Variants in MCM2 observed in about 807,000 individuals in gnomAD.
MCM2 encodes the protein DNA replication licensing factor MCM2.
MCM2 carries 49 observed loss-of-function variants against 86.4 expected under a neutral mutation model. The observed-to-expected ratio is 0.57, with a 90% CI of 0.45 to 0.72. The LOEUF (loss-of-function observed/expected upper bound fraction) is 0.72. MCM2 is among the 30% of genes least tolerant of loss of function. The pLI is 0.00. For missense variants in MCM2, 1,038 were observed against 1,259.9 expected (o/e 0.82, Z 2.67); for synonymous variants, 475 against 484.6 (o/e 0.98, Z 0.26).
intron 2 of MCM2, among the ~76,000 whole-genome samples, chr3:127,601,400 G>A (rs772185318): frequency 1.3e-5 from 2 of 152,044 alleles, no homozygotes; most frequent in Non-Finnish European, 2.9e-5. Context: ...TTGCTCTGTC[G>A]CTTAGGCTGC....
chr3:127,613,959 C>CCTA (rs1384799343), intron 8 of MCM2, among the ~76,000 whole-genome samples: 2 of 152,190 alleles, frequency 1.3e-5, no homozygotes, highest in Non-Finnish European at 2.9e-5. Flanking sequence ...TTTACAAGGA[C>CCTA]CTACTCCCTG....
At chr3:127,615,713 T>C (rs2074427480) in intron 8 of MCM2, 149 bp from the exon 9 acceptor site, 1 of 642,012 alleles carries the variant, frequency 1.6e-6, no homozygotes, top group Non-Finnish European at 2.8e-6. Flanking sequence ...CGGGCACGGC[T>C]TGATACCAGG....
chr3:127,606,228 G>T lies in MCM2; in HGVS notation c.784G>T (p.Ala262Ser). Residue 262 changes from alanine to serine, a missense_variant, in exon 5 of 16, where the codon GCT (alanine) becomes TCT (serine). By Grantham distance (99) the Ala-to-Ser change is moderately conservative (BLOSUM62 1). Coordinates refer to ENST00000265056, the MANE Select transcript of MCM2 (RefSeq NM_004526.4). The surrounding 1 kb of genome is among the most constrained non-coding windows in gnomAD (Gnocchi z 4.2). Reference protein sequence around the residue: ...PAELLQIFDEAALEVVLAMYP... With the variant: ...PAELLQIFDESALEVVLAMYP... Reference sequence around the variant, plus strand: ...GGAGCTGCTGCAGATCTTTGATGAGGCTGCCCTGGAGGTGGTACTGGCCAT... The same window carrying T: ...GGAGCTGCTGCAGATCTTTGATGAGTCTGCCCTGGAGGTGGTACTGGCCAT... 1 of 1,614,210 alleles carries T rather than the reference G, an allele frequency of 6.2e-7. No individual in the cohort carries two copies. Among genetic ancestry groups the T allele is most frequent in the Non-Finnish European group, 8.5e-7 (1 of 1,180,042 alleles).
chr3:127,598,766 GC>G (rs1396460319), intron 1 of MCM2: 1 of 487,148 alleles, frequency 2.1e-6, no homozygotes, highest in Non-Finnish European at 3.6e-6. Context: ...CAAAAGACAG[GC>G]CCCCATTTCA....
chr3:127,598,520 G>C, intron 1 of MCM2, 48 bp downstream of exon 1: 1 of 1,603,172 alleles, frequency 6.2e-7, no homozygotes, highest in Non-Finnish European at 8.5e-7. Context: ...CATGGGTGCG[G>C]AGGCTGCGCG....
Position 127,609,005 on chromosome 3 carries a change from T to A in MCM2, c.1410T>A (p.Asp470Glu). ...AGATGATCACTAGCCTCTCCAAGGA[T>A]CAGCAGATCGGAGAGAAGGTAGGTG... Reference protein sequence around the residue: ...DVKMITSLSKDQQIGEKIFAS... With the variant: ...DVKMITSLSKEQQIGEKIFAS... The change falls in exon 8 of 16, where the codon GAT becomes GAA. Residue 470 changes from aspartate to glutamate, a missense_variant. Coordinates refer to ENST00000265056, the MANE Select transcript of MCM2 (RefSeq NM_004526.4). 6.2e-7 allele frequency: 1 copy of A among 1,613,984 alleles called. No homozygotes were observed. The highest frequency in any genetic ancestry group is 1.6e-4 in the Middle Eastern group (1 of 6,062).
chr3:127,603,553 G>A lies in MCM2; in HGVS notation c.237-1055G>A, dbSNP rs150731659. Among the ~76,000 whole-genome samples, 614 of 152,226 alleles carry A rather than the reference G, an allele frequency of 4.0e-3. 3 individuals carry two copies. The highest frequency in any genetic ancestry group is 6.2e-3 in the Non-Finnish European group (422 of 68,000). ...CAGGCTGGAATGCAGTGGCACGAAC[G>A]TGGCTCACTGCAGCCTTGAACTCCT... is the stretch of plus-strand genomic sequence containing the variant. On this transcript the variant is annotated intron_variant, in intron 2 of 15. Coordinates refer to ENST00000265056, the MANE Select transcript of MCM2 (RefSeq NM_004526.4).
rs752281528 is a variant in MCM2 at position 127,619,119 on chromosome 3, T to C, written c.2106T>C (p.Ala702=). The change falls in exon 13 of 16, where the codon GCT becomes GCC. Residue 702 remains alanine, a synonymous_variant. Transcript: ENST00000265056. ...EEEGLANGSA[A]EPAMPNTYGV... is the part of the protein sequence containing the mutation. ...AGGGGCTGGCCAATGGCAGCGCTGCTGAGCCCGCCATGCCCAACACGTATG... is the reference window on the plus strand; with the variant it reads ...AGGGGCTGGCCAATGGCAGCGCTGCCGAGCCCGCCATGCCCAACACGTATG... 12 of 1,613,452 alleles carry C rather than the reference T, an allele frequency of 7.4e-6. No homozygotes were observed. In the South Asian group the frequency reaches 9.9e-5, roughly 13 times the overall value.
Position 127,617,038 on chromosome 3 carries a change from G to T in MCM2, c.1693G>T (p.Val565Phe), listed in dbSNP as rs753401204. The stretch of plus-strand genomic sequence containing the variant: ...CACGGCGTATGTCCAGCGGCACCCT[G>T]TCAGCAGGGAGTGGACCTTGGAGGC... ...GLTAYVQRHPVSREWTLEAGA... is the reference protein window; with the variant it reads ...GLTAYVQRHPFSREWTLEAGA... The change falls in exon 10 of 16, where the codon GTC becomes TTC. Residue 565 changes from valine (V) to phenylalanine (F), a missense_variant. Val to Phe is a conservative substitution (Grantham distance 50, BLOSUM62 -1). Transcript: ENST00000265056. The surrounding 1 kb of genome is among the most constrained non-coding windows in gnomAD (Gnocchi z 4.1). 3 of 1,614,102 alleles carry T rather than the reference G, an allele frequency of 1.9e-6. No homozygotes were observed. The highest frequency in any genetic ancestry group is 2.5e-6 in the Non-Finnish European group (3 of 1,180,058).
intron 9 of MCM2, among the ~76,000 whole-genome samples, chr3:127,616,391 C>T (rs1460966625): frequency 6.6e-6 from 1 of 152,182 alleles, no homozygotes; most frequent in African/African-American, 2.4e-5. Context: ...TTTACAATTA[C>T]ACAGCAACCA....
At chr3:127,608,688 T>C (rs1458231988) in intron 7 of MCM2, 144 bp from the exon 8 acceptor site, 2 of 1,186,026 alleles carry the variant, frequency 1.7e-6, no homozygotes, top group Non-Finnish European at 2.4e-6. Flanking sequence ...GTTGGAATGG[T>C]GGGTTTAGGA....
In MCM2 at chr3:127,606,416, T is replaced by C. The variant is rs2107688573; in HGVS notation, c.893+79T>C. ...GGTCGTGATTCCTGAAGAGCGATTG[T>C]GGTGTGGGCGGGGAGGGTGCAGCCA... On this transcript the variant is annotated intron_variant, in intron 5 of 15. Transcript: ENST00000265056. The surrounding 1 kb of genome is among the most constrained non-coding windows in gnomAD (Gnocchi z 4.2). The C allele has an allele frequency of 6.9e-7, 1 of 1,450,574 alleles. No homozygotes were observed. Among genetic ancestry groups the C allele is most frequent in the South Asian group, 1.2e-5 (1 of 84,024 alleles). 89.9% of individuals were successfully genotyped at this position (1,450,574 alleles called of 1,614,324 possible).
intron 8 of MCM2, among the ~76,000 whole-genome samples, chr3:127,611,883 T>C (rs1264089357): frequency 2.0e-5 from 3 of 147,694 alleles, no homozygotes; most frequent in Admixed American, 1.3e-4. Flanking sequence ...GTATTTTTAG[T>C]AGAGACGGGG....
At chr3:127,613,751 T>G (rs901373244) in intron 8 of MCM2, among the ~76,000 whole-genome samples, 1 of 152,250 alleles carries the variant, frequency 6.6e-6, no homozygotes, top group Non-Finnish European at 1.5e-5. Context: ...CTTAGTCCAT[T>G]TTCTGCTGCT....
intron 13 of MCM2, among the ~76,000 whole-genome samples, chr3:127,619,920 G>T (rs2074463898): frequency 6.6e-6 from 1 of 152,098 alleles, no homozygotes; most frequent in African/African-American, 2.4e-5. Context: ...GGAGTTCGAG[G>T]CTACAGTGAG....
At chr3:127,607,818 A>G (rs1291623657) in intron 6 of MCM2, among the ~76,000 whole-genome samples, 1 of 152,216 alleles carries the variant, frequency 6.6e-6, no homozygotes. Context: ...TCACCCAACC[A>G]GAATGTGTGT....
chr3:127,605,026 T>C lies in MCM2; in HGVS notation c.543T>C (p.Ser181=), dbSNP rs754577783. 7 of 1,614,122 alleles carry C rather than the reference T, an allele frequency of 4.3e-6. No individual in the cohort carries two copies. The highest frequency in any genetic ancestry group is 2.2e-5 in the South Asian group (2 of 91,086). ...ACCTGGAGGATCTCAAAGGCCACTCTGTGCGCGAGTGGGTGAGCATGGCGG... is the reference window on the plus strand; with the variant it reads ...ACCTGGAGGATCTCAAAGGCCACTCCGTGCGCGAGTGGGTGAGCATGGCGG... ...IENLEDLKGH[S]VREWVSMAGP... The change falls in exon 4 of 16, where the codon TCT becomes TCC. Residue 181 remains serine, a synonymous_variant. Transcript: ENST00000265056.
At chr3:127,605,221 T>A (rs1331353047) in intron 4 of MCM2, 65 bp downstream of exon 4, 3 of 1,573,290 alleles carry the variant, frequency 1.9e-6, no homozygotes, top group Non-Finnish European at 2.6e-6. Flanking sequence ...CCCAGAAAGT[T>A]GTCTGAGCCG....
chr3:127,616,699 G>T (rs781639732), intron 9 of MCM2, among the ~76,000 whole-genome samples, 169 bp from the exon 10 acceptor site: 3 of 152,232 alleles, frequency 2.0e-5, no homozygotes, highest in Non-Finnish European at 2.9e-5. Context: ...GTTTCCCTGG[G>T]AGTGCCCAGA....
Sources: allele counts gnomAD v4.1 joint callset (sites outside exome capture counted in the v4.1 genomes callset), GRCh38; gene constraint gnomAD v4.1.1; non-coding constraint Gnocchi (gnomAD v3.1); transcripts MANE v1.5; gene names NCBI Gene and HGNC (gene_info 2026-07-23, HGNC 2026-07-21).